The following ZNF724 variants were observed in gnomAD, a reference collection of about 807,000 sequenced individuals.
ZNF724 encodes zinc finger protein 724.
In ZNF724, 14 loss-of-function variants were observed where a neutral mutation model predicts 29.3. That is an observed-to-expected ratio of 0.48 (90% confidence interval 0.32 to 0.75). The LOEUF is 0.75. Ranked by LOEUF, ZNF724 falls within the 30% of genes least tolerant of loss-of-function variation. The probability of loss-of-function intolerance (pLI) is 0.04; values close to 1 mark genes in which losing one functional copy is unlikely to be tolerated. For synonymous variants in ZNF724, 180 were observed against 193.6 expected (o/e 0.93, Z 0.58); for missense variants, 557 against 571.2 (o/e 0.98, Z 0.25).
intron 1 of ZNF724, among the ~76,000 whole-genome samples, chr19:23,245,721 C>A (rs966488778): frequency 6.6e-6 from 1 of 152,176 alleles, no homozygotes; most frequent in African/African-American, 2.4e-5. Flanking sequence ...ATGAAAAAAA[C>A]CCACCCTTGT....
intron 1 of ZNF724, among the ~76,000 whole-genome samples, chr19:23,242,019 C>T (rs1568345230): frequency 6.6e-6 from 1 of 152,154 alleles, no homozygotes. Flanking sequence ...AAACTGACAA[C>T]TTCTGCAAAG....
At position 23,232,312 on chromosome 19, in the gene ZNF724, CA is replaced by C; in HGVS notation, c.4-20del. The C allele has an allele frequency of 8.5e-7, 1 of 1,176,536 alleles. No individual in the cohort carries two copies. The allele number at this position is 1,176,536 out of a possible 1,614,324, so 72.9% of individuals were successfully genotyped here. On this transcript the variant is annotated intron_variant, in intron 1 of 3. Transcript: ENST00000418100. ...ATGGTCCCTGAAAAGTACACACACA[CA>C]TATTTACGAAGTGGCCATGGGCAAA...
chr19:23,250,291 A>C lies in ZNF724; in HGVS notation c.-49T>G. The C allele has an allele frequency of 3.1e-6, 2 of 649,042 alleles. No individual in the cohort carries two copies. The highest frequency in any genetic ancestry group is 2.8e-6 in the Non-Finnish European group (1 of 361,476). The allele number at this position is 649,042 out of a possible 1,614,324, so 40.2% of individuals were successfully genotyped here. A position where few individuals can be genotyped will look rare whatever the true frequency, so the allele number is the denominator to read the frequency against. ...TGGCGTCTTAGCTGTGGATCTCCCA[A>C]TGCTTGCAGGTCAGAGGGCCACAGA... On this transcript the variant is annotated 5_prime_UTR_variant, in exon 1 of 4. Coordinates refer to ENST00000418100, the MANE Select transcript of ZNF724 (RefSeq NM_001355404.2).
chr19:23,229,253 A>C (rs2145776792), intron 3 of ZNF724, among the ~76,000 whole-genome samples: 1 of 152,206 alleles, frequency 6.6e-6, no homozygotes, highest in East Asian at 1.9e-4. Flanking sequence ...GGTCCCACTG[A>C]GAATACTGAA....
intron 2 of ZNF724, 39 bp from the exon 3 acceptor site, chr19:23,231,400 A>G: frequency 8.1e-7 from 1 of 1,234,236 alleles, no homozygotes; most frequent in Non-Finnish European, 1.2e-6. Context: ...TGTTGCTCAT[A>G]TTCTTTAAAT....
At chr19:23,235,030 G>C (rs554383074) in intron 1 of ZNF724, among the ~76,000 whole-genome samples, 1 of 152,264 alleles carries the variant, frequency 6.6e-6, no homozygotes, top group African/African-American at 2.4e-5. Flanking sequence ...TTCTTTGCTG[G>C]TTCTTTAAAG....
rs149399469 is a variant in ZNF724, at chr19:23,235,508, C to T, written c.4-3215G>A. Among the ~76,000 whole-genome samples, 775 of 152,246 alleles carry T rather than the reference C, an allele frequency of 5.1e-3. 8 individuals are homozygous for T. Among genetic ancestry groups the T allele is most frequent in the African/African-American group, 0.017 (727 of 41,544 alleles). On this transcript the variant is annotated intron_variant, in intron 1 of 3. Transcript: ENST00000418100. ...ATTTAAAAATTAAGATGCTAAAATA[C>T]ATACTTTATTTTTCCAATTTTATCT... is the stretch of plus-strand genomic sequence containing the variant.
intron 1 of ZNF724, among the ~76,000 whole-genome samples, chr19:23,245,420 T>TG (rs1416988172): frequency 6.6e-6 from 1 of 152,172 alleles, no homozygotes; most frequent in African/African-American, 2.4e-5. Flanking sequence ...GAGACCATCC[T>TG]GGCTAATATG....
intron 3 of ZNF724, among the ~76,000 whole-genome samples, chr19:23,228,248 G>A (rs1008393116): frequency 6.6e-5 from 10 of 151,910 alleles, no homozygotes; most frequent in African/African-American, 1.9e-4. Flanking sequence ...TCAGGAGTTC[G>A]AGACCAGCCT....
Position 23,243,723 on chromosome 19 carries a change from G to C in ZNF724, c.3+6517C>G, listed in dbSNP as rs1014881343. 4.6e-5 allele frequency among the ~76,000 whole-genome samples: 7 copies of C among 151,504 alleles called. No individual in the cohort carries two copies. In the South Asian group the frequency reaches 6.3e-4, roughly 14 times the overall value. ...AGATCACCTGAGGTCAGGAGTTCGAGACCAGCCTGGTCCACATGATGAAAC... is the reference window on the plus strand; with the variant it reads ...AGATCACCTGAGGTCAGGAGTTCGACACCAGCCTGGTCCACATGATGAAAC... On this transcript the variant is annotated intron_variant, in intron 1 of 3. Coordinates refer to ENST00000418100, the MANE Select transcript of ZNF724 (RefSeq NM_001355404.2).
chr19:23,224,730 C>T (rs563616779), intron 3 of ZNF724, among the ~76,000 whole-genome samples: 41 of 152,012 alleles, frequency 2.7e-4, no homozygotes, highest in African/African-American at 9.4e-4. Flanking sequence ...CCGGGTGGGC[C>T]GATCACCTGA....
chr19:23,236,995 G>A (rs1169134252), intron 1 of ZNF724: 2 of 151,928 alleles, frequency 1.3e-5, no homozygotes, highest in African/African-American at 4.8e-5. Context: ...TAGAATTACA[G>A]GCACCCACCA....
In ZNF724 at chr19:23,222,964, A is replaced by C. The variant is rs764187299; in HGVS notation, c.1281T>G (p.Cys427Trp). The C allele has an allele frequency of 1.5e-6, 2 of 1,379,052 alleles. No homozygotes were observed. Among genetic ancestry groups the C allele is most frequent in the South Asian group, 2.3e-5 (2 of 86,074 alleles). The allele number at this position is 1,379,052 out of a possible 1,614,324, so 85.4% of individuals were successfully genotyped here. A position where few individuals can be genotyped will look rare whatever the true frequency, so the allele number is the denominator to read the frequency against. The change falls in exon 4 of 4, where the codon TGT becomes TGG. Residue 427 changes from cysteine (C) to tryptophan (W), a missense_variant. By Grantham distance (215) the Cys-to-Trp change is radical. Coordinates refer to ENST00000418100, the MANE Select transcript of ZNF724 (RefSeq NM_001355404.2). ...GTGAGAACTGGTTAAAGGCTTTGCC[A>C]CATTCTTCACATTTGTAGGGTTTCT... ...TGEKPYKCEE[C>W]GKAFNQFSQL...
At chr19:23,231,130 G>A (rs1162077760) in intron 3 of ZNF724, 136 bp downstream of exon 3, 7 of 659,696 alleles carry the variant, frequency 1.1e-5, no homozygotes, top group South Asian at 2.5e-5. Flanking sequence ...TCATCTGCCC[G>A]CCTTAGCCTC....
At chr19:23,248,108 T>C (rs895214927) in intron 1 of ZNF724, among the ~76,000 whole-genome samples, 6 of 152,138 alleles carry the variant, frequency 3.9e-5, no homozygotes, top group Non-Finnish European at 8.8e-5. Context: ...TTAGGGAAGA[T>C]AAAAGAAAAA....
chr19:23,242,687 C>A, intron 1 of ZNF724: 1 of 146,520 alleles, frequency 6.8e-6, no homozygotes, highest in Non-Finnish European at 1.5e-5. Flanking sequence ...GCACTCCAGC[C>A]TGGGTGACAG....
intron 2 of ZNF724, 58 bp downstream of exon 2, chr19:23,232,107 CAA>C (rs1971944611): frequency 8.3e-7 from 1 of 1,204,654 alleles, no homozygotes; most frequent in East Asian, 2.4e-5. Flanking sequence ...AAACATCCTA[CAA>C]AAAAACAAAC....
intron 1 of ZNF724, among the ~76,000 whole-genome samples, chr19:23,249,556 G>A (rs893548213): frequency 7.9e-5 from 12 of 152,070 alleles, no homozygotes; most frequent in African/African-American, 2.7e-4. Context: ...GCGCCACCAC[G>A]CCCGGCTAAT....
chr19:23,223,456 A>T lies in ZNF724; in HGVS notation c.789T>A (p.Phe263Leu). 1 of 764,202 alleles carries T rather than the reference A, an allele frequency of 1.3e-6. No homozygotes were observed. Among genetic ancestry groups the T allele is most frequent in the Non-Finnish European group, 2.4e-6 (1 of 410,672 alleles). The allele number at this position is 764,202 out of a possible 1,614,324, so 47.3% of individuals were successfully genotyped here. A position where few individuals can be genotyped will look rare whatever the true frequency, so the allele number is the denominator to read the frequency against. ...SYKREECGKA[F>L]NISSHLTTHK... ...GTGTAGTAAGGTGTGAGGATATGTT[A>T]AAAGCTTTTCCACATTCTTCACGTT... Residue 263 changes from phenylalanine (F) to leucine (L), a missense_variant, in exon 4 of 4, where the codon TTT becomes TTA. Phe to Leu is a conservative substitution (Grantham distance 22). Around this residue, in one of 3 missense-constraint regions of ZNF724, gnomAD observed 362 missense variants for 295.5 expected, o/e 1.22. Transcript: ENST00000418100.
Sources: gnomAD v4.1 joint callset for allele counts (sites outside exome capture counted in the v4.1 genomes callset) on GRCh38, gnomAD v4.1.1 for gene constraint, gnomAD v4.1.1 regional missense constraint, MANE v1.5 for transcripts, NCBI Gene and HGNC (gene_info 2026-07-23, HGNC 2026-07-21) for gene names.